DOCK2: variants seen among roughly 807,000 people sequenced by gnomAD.
DOCK2 encodes the protein dedicator of cytokinesis protein 2.
A neutral mutation model predicts 248.9 loss-of-function variants in DOCK2; 87 were observed. That is an observed-to-expected ratio of 0.35 (90% confidence interval 0.29 to 0.42). The LOEUF (loss-of-function observed/expected upper bound fraction) is 0.42. Ranked by LOEUF, DOCK2 falls within the 10% of genes least tolerant of loss-of-function variation. The pLI, the probability that DOCK2 is intolerant of heterozygous loss-of-function variation, is 1.00. For missense variants in DOCK2, 1,747 were observed against 2,300.2 expected (o/e 0.76, Z 4.92); for synonymous variants, 805 against 821.6 (o/e 0.98, Z 0.35).
chr5:170,018,913 TGCGTCGCC>T, intron 32 of DOCK2, 39 bp from the exon 33 acceptor site: 1 of 1,600,484 alleles, frequency 6.2e-7, no homozygotes, highest in Non-Finnish European at 8.5e-7. Context: ...GGAGGACCTG[TGCGTCGCC>T]GAACTGTTTT....
intron 27 of DOCK2, among the ~76,000 whole-genome samples, chr5:169,842,537 T>C (rs1770048827): frequency 6.6e-6 from 1 of 152,124 alleles, no homozygotes; most frequent in Non-Finnish European, 1.5e-5. Context: ...TTTGTATTTT[T>C]AGTAGAGGCA....
At chr5:169,967,576 G>A (rs1183782340) in intron 27 of DOCK2, among the ~76,000 whole-genome samples, 2 of 152,182 alleles carry the variant, frequency 1.3e-5, no homozygotes, top group Admixed American at 1.3e-4. Context: ...ACCATGCTAA[G>A]AGGTTTGGAT....
At chr5:170,054,576 T>C (rs1325270384) in intron 41 of DOCK2, among the ~76,000 whole-genome samples, 1 of 152,238 alleles carries the variant, frequency 6.6e-6, no homozygotes, top group Non-Finnish European at 1.5e-5. Context: ...CATCCTGCCA[T>C]AGGCAGTTGC....
At chr5:169,777,472 A>G (rs1765452159) in intron 25 of DOCK2, among the ~76,000 whole-genome samples, 1 of 152,218 alleles carries the variant, frequency 6.6e-6, no homozygotes, top group South Asian at 2.1e-4. Context: ...ACCAGACGCC[A>G]CAGTGGAGAG....
chr5:169,846,712 T>G (rs1237251645), intron 27 of DOCK2, among the ~76,000 whole-genome samples: 3 of 152,130 alleles, frequency 2.0e-5, no homozygotes, highest in African/African-American at 7.2e-5. Context: ...ATGCTTTTAT[T>G]TCAATACGTT....
At chr5:169,718,623 G>C (rs1762027334) in intron 21 of DOCK2, 34 bp from the exon 22 acceptor site, 1 of 1,598,098 alleles carries the variant, frequency 6.3e-7, no homozygotes, top group Non-Finnish European at 8.6e-7. Context: ...CATGATGAAA[G>C]AGATGTATTT....
chr5:170,047,119 C>A (rs898922499), intron 39 of DOCK2, among the ~76,000 whole-genome samples: 1 of 152,172 alleles, frequency 6.6e-6, no homozygotes, highest in South Asian at 2.1e-4. Flanking sequence ...CATTCCATAG[C>A]CTCACAAATC....
At chr5:169,685,823 C>T (rs991621192) in intron 8 of DOCK2, among the ~76,000 whole-genome samples, 56 of 152,184 alleles carry the variant, frequency 3.7e-4, no homozygotes, top group Admixed American at 3.3e-4. Context: ...GGAAGTCAAG[C>T]AACTTGCCCA....
chr5:169,841,877 A>G (rs748164633), intron 27 of DOCK2, among the ~76,000 whole-genome samples: 10 of 152,176 alleles, frequency 6.6e-5, no homozygotes, highest in Non-Finnish European at 1.5e-4. Flanking sequence ...CTGTTTTGTC[A>G]TTGCTGTGTC....
chr5:169,954,727 T>A (rs1776794627), intron 27 of DOCK2, among the ~76,000 whole-genome samples: 1 of 152,222 alleles, frequency 6.6e-6, no homozygotes, highest in Non-Finnish European at 1.5e-5. Context: ...TATTTGTTTT[T>A]ACATGTTCCA....
intron 6 of DOCK2, among the ~76,000 whole-genome samples, chr5:169,678,592 GC>G (rs2113337552): frequency 1.3e-5 from 2 of 152,256 alleles, no homozygotes; most frequent in East Asian, 3.9e-4. Flanking sequence ...GCATTTTGAA[GC>G]TGAGATCCTC....
chr5:169,685,510 A>G (rs965895610), intron 8 of DOCK2, among the ~76,000 whole-genome samples: 2 of 152,202 alleles, frequency 1.3e-5, no homozygotes, highest in African/African-American at 4.8e-5. Flanking sequence ...GGCATGCGCC[A>G]CCACGCCCGG....
intron 27 of DOCK2, chr5:169,882,793 T>A: frequency 6.4e-7 from 1 of 1,551,674 alleles, no homozygotes; most frequent in South Asian, 1.2e-5. Context: ...ATTTGGAAAC[T>A]CCAGTGTGTC....
intron 27 of DOCK2, among the ~76,000 whole-genome samples, chr5:169,936,151 A>G (rs887777963): frequency 6.6e-6 from 1 of 152,208 alleles, no homozygotes; most frequent in African/African-American, 2.4e-5. Context: ...GGAGATGGAG[A>G]ACAAAATCAA....
chr5:170,012,262 A>G (rs532771224), intron 32 of DOCK2, among the ~76,000 whole-genome samples: 15 of 147,362 alleles, frequency 1.0e-4, no homozygotes, highest in East Asian at 1.9e-4. Context: ...GTTTCAAAGG[A>G]TGTGAAATGA....
At chr5:169,866,484 A>G (rs1483007977) in intron 27 of DOCK2, among the ~76,000 whole-genome samples, 1 of 152,244 alleles carries the variant, frequency 6.6e-6, no homozygotes, top group Non-Finnish European at 1.5e-5. Flanking sequence ...TACAACACGC[A>G]GCATAGAGTA....
intron 22 of DOCK2, among the ~76,000 whole-genome samples, chr5:169,729,063 A>G (rs2113614915): frequency 6.6e-6 from 1 of 152,332 alleles, no homozygotes; most frequent in Middle Eastern, 3.4e-3. Context: ...ATTTCTGTCA[A>G]ATGCTGAGGC....
intron 26 of DOCK2, among the ~76,000 whole-genome samples, chr5:169,823,459 G>C (rs1455036668): frequency 6.6e-6 from 1 of 152,066 alleles, no homozygotes; most frequent in Non-Finnish European, 1.5e-5. Context: ...TGCAAGGCTG[G>C]TTCAATATAC....
At chr5:169,717,316 T>C in intron 20 of DOCK2, 68 bp from the exon 21 acceptor site, 6 of 1,287,902 alleles carry the variant, frequency 4.7e-6, no homozygotes, top group East Asian at 2.3e-5. Context: ...GGTTGAATTA[T>C]GCCAGGTAAA....
Sources: allele counts gnomAD v4.1 joint callset (sites outside exome capture counted in the v4.1 genomes callset), GRCh38; gene constraint gnomAD v4.1.1; transcripts MANE v1.5; gene names NCBI Gene and HGNC (gene_info 2026-07-23, HGNC 2026-07-21).